The following DYNC1H1 variants were observed in gnomAD, a reference collection of about 807,000 sequenced individuals.
DYNC1H1 encodes dynein cytoplasmic 1 heavy chain 1.
DYNC1H1 carries 51 observed loss-of-function variants against 527.1 expected under a neutral mutation model. That is an observed-to-expected ratio of 0.10 (90% CI 0.08 to 0.12). The LOEUF (loss-of-function observed/expected upper bound fraction) is 0.12, where lower values mean the gene tolerates loss of function less well. Among genes scored for constraint, DYNC1H1 ranks in the 10% least tolerant of loss-of-function variants. The probability of loss-of-function intolerance (pLI) is 1.00; values close to 1 mark genes in which losing one functional copy is unlikely to be tolerated. For missense variants in DYNC1H1, 2,771 were observed against 5,971.8 expected, an observed-to-expected ratio of 0.46 and a Z score of 17.66; for synonymous variants, 2,189 against 2,278.8, an observed-to-expected ratio of 0.96 and a Z score of 1.12.
Position 102,017,742 on chromosome 14 carries a change from G to A in DYNC1H1, c.8177+238G>A, listed in dbSNP as rs549942420. On this transcript the variant is annotated intron_variant, in intron 40 of 77. Transcript: ENST00000360184. The surrounding 1 kb of genome is among the most constrained non-coding windows in gnomAD (Gnocchi z 4.6). Reference sequence around the variant, plus strand: ...AGCACTTTGGGAGGCCGAGGCGGGCGGATCACGAGGTCAGGAGATTGAGAC... The same window carrying A: ...AGCACTTTGGGAGGCCGAGGCGGGCAGATCACGAGGTCAGGAGATTGAGAC... 4.3e-5 allele frequency: 26 copies of A among 603,916 alleles called. No individual in the cohort carries two copies. The highest frequency in any genetic ancestry group is 5.0e-4 in the Middle Eastern group (1 of 2,000). The allele number at this position is 603,916 out of a possible 1,614,324, so 37.4% of individuals were successfully genotyped here.
rs965560235 is a variant in DYNC1H1, at chr14:102,042,876, T to C, written c.12513+128T>C. The C allele has an allele frequency of 8.9e-7, 1 of 1,120,324 alleles. No homozygotes were observed. The highest frequency in any genetic ancestry group is 2.0e-5 in the Admixed American group (1 of 50,388). 69.4% of individuals were successfully genotyped at this position (1,120,324 alleles called of 1,614,324 possible). On this transcript the variant is annotated intron_variant, in intron 69 of 77. Coordinates refer to ENST00000360184, the MANE Select transcript of DYNC1H1 (RefSeq NM_001376.5). This position sits in a 1 kb window ranked among gnomAD's most constrained non-coding sequence, Gnocchi z 5.7. ...GGTGAACTGCACAGCTGCTTTTGCT[T>C]TTCAGCTGTAGGTAAAATTTCCTTC... is the stretch of plus-strand genomic sequence containing the variant.
chr14:101,972,503 C>A (rs952781107), intron 1 of DYNC1H1, among the ~76,000 whole-genome samples: 2 of 152,178 alleles, frequency 1.3e-5, no homozygotes, highest in African/African-American at 4.8e-5. Flanking sequence ...ATTGGGTGTG[C>A]CTTCCTGAGC....
rs1475477801 is a variant in DYNC1H1, at chr14:102,022,762, A to G, written c.8519A>G (p.Asp2840Gly). ...TGCTCTCCCCACAGACTCGTAGAGGATGAGGAGAGGCGTTGGACTGATGAG... is the reference window on the plus strand; with the variant it reads ...TGCTCTCCCCACAGACTCGTAGAGGGTGAGGAGAGGCGTTGGACTGATGAG... ...LRLFQDRLVE[D>G]EERRWTDENI... The change falls in exon 43 of 78, where the codon GAT (aspartate) becomes GGT (glycine). Residue 2840 changes from aspartate to glycine, a missense_variant. Asp to Gly is a moderately conservative substitution (Grantham distance 94). Coordinates refer to ENST00000360184, the MANE Select transcript of DYNC1H1 (RefSeq NM_001376.5). The G allele has an allele frequency of 3.7e-6, 6 of 1,613,978 alleles. No homozygotes were observed. Among genetic ancestry groups the G allele is most frequent in the Non-Finnish European group, 5.1e-6 (6 of 1,180,008 alleles).
chr14:102,047,854 G>T lies in DYNC1H1; in HGVS notation c.13044G>T (p.Met4348Ile). 1 of 1,613,586 alleles carries T rather than the reference G, an allele frequency of 6.2e-7. No individual in the cohort carries two copies. Among genetic ancestry groups the T allele is most frequent in the Middle Eastern group, 1.6e-4 (1 of 6,062 alleles). The change falls in exon 73 of 78, where the codon ATG becomes ATT. Residue 4348 changes from methionine (M) to isoleucine (I), a missense_variant. This residue lies in a region of DYNC1H1 where 170 missense variants were observed against 249.8 expected (regional missense o/e 0.68). Transcript: ENST00000360184. The stretch of plus-strand genomic sequence containing the variant: ...TCAGTAAAATGCTGAAGATGCAGAT[G>T]TTGGAGGATGAGGACGACCTGGCCT... ...DMISKMLKMQ[M>I]LEDEDDLAYA...
chr14:102,051,054 G>T lies in DYNC1H1; in HGVS notation c.*491G>T. The T allele has an allele frequency of 4.5e-6, 1 of 220,466 alleles. No individual in the cohort carries two copies. Among genetic ancestry groups the T allele is most frequent in the Non-Finnish European group, 9.1e-6 (1 of 109,814 alleles). 13.7% of individuals were successfully genotyped at this position (220,466 alleles called of 1,614,324 possible). On this transcript the variant is annotated 3_prime_UTR_variant, in exon 78 of 78. Coordinates refer to ENST00000360184, the MANE Select transcript of DYNC1H1 (RefSeq NM_001376.5). ...TTTAATCGCAGCACTTTGGGAGTCT[G>T]GGAGTTAAAGACCAGCCTCGGCAAC... is the stretch of plus-strand genomic sequence containing the variant.
At chr14:101,980,049 G>A (rs1278816624) in intron 4 of DYNC1H1, 75 bp downstream of exon 4, 5 of 1,603,594 alleles carry the variant, frequency 3.1e-6, no homozygotes, top group Non-Finnish European at 4.3e-6. Flanking sequence ...TCTGGATTTT[G>A]TAAGTGAGGT....
chr14:102,041,842 T>C lies in DYNC1H1; in HGVS notation c.12102+108T>C. ...GCTCTCACTCCGGGCTACAGTCTCCTCCTAAGACCAGGAACTCGCTGCAGA... is the reference window on the plus strand; with the variant it reads ...GCTCTCACTCCGGGCTACAGTCTCCCCCTAAGACCAGGAACTCGCTGCAGA... On this transcript the variant is annotated intron_variant, in intron 65 of 77. Transcript: ENST00000360184. The surrounding 1 kb of genome is among the most constrained non-coding windows in gnomAD (Gnocchi z 4.5). 2 of 1,569,736 alleles carry C rather than the reference T, an allele frequency of 1.3e-6. No homozygotes were observed. The highest frequency in any genetic ancestry group is 1.7e-6 in the Non-Finnish European group (2 of 1,151,074).
At chr14:101,967,916 G>T (rs2047685672) in intron 1 of DYNC1H1, among the ~76,000 whole-genome samples, 1 of 152,160 alleles carries the variant, frequency 6.6e-6, no homozygotes, top group Admixed American at 6.5e-5. Flanking sequence ...TGGAGAGTTT[G>T]TGGGAAAAAG....
intron 42 of DYNC1H1, among the ~76,000 whole-genome samples, chr14:102,021,437 C>T (rs1322048267): frequency 3.9e-5 from 6 of 152,198 alleles, no homozygotes; most frequent in South Asian, 2.1e-4. Flanking sequence ...ATTCAAATGT[C>T]GCAACAGCAG....
rs879254327 is a variant in DYNC1H1 at position 102,047,852 on chromosome 14, A to C, written c.13042A>C (p.Met4348Leu). 3.1e-6 allele frequency: 5 copies of C among 1,613,198 alleles called. No individual in the cohort carries two copies. Among genetic ancestry groups the C allele is most frequent in the Non-Finnish European group, 3.4e-6 (4 of 1,179,970 alleles). ...GATCAGTAAAATGCTGAAGATGCAGATGTTGGAGGATGAGGACGACCTGGC... is the reference window on the plus strand; with the variant it reads ...GATCAGTAAAATGCTGAAGATGCAGCTGTTGGAGGATGAGGACGACCTGGC... ...DMISKMLKMQ[M>L]LEDEDDLAYA... The change falls in exon 73 of 78, where the codon ATG becomes CTG. Residue 4348 changes from methionine to leucine, a missense_variant. This residue lies in a region of DYNC1H1 where 170 missense variants were observed against 249.8 expected (regional missense o/e 0.68). Transcript: ENST00000360184.
chr14:101,964,744 T>C lies in DYNC1H1; in HGVS notation c.53T>C (p.Val18Ala), dbSNP rs1566991030. The C allele has an allele frequency of 2.5e-6, 4 of 1,597,048 alleles. No homozygotes were observed. Among genetic ancestry groups the C allele is most frequent in the Non-Finnish European group, 3.4e-6 (4 of 1,175,516 alleles). Reference protein sequence around the residue: ...GGEDGSAGLEVSAVQNVADVS... With the variant: ...GGEDGSAGLEASAVQNVADVS... ...GAGGACGGCTCGGCCGGATTGGAAG[T>C]GTCGGCCGTGCAGAATGTGGCGGAC... Residue 18 changes from valine (V) to alanine (A), a missense_variant, in exon 1 of 78, where the codon GTG becomes GCG. By Grantham distance (64) the Val-to-Ala change is moderately conservative. Transcript: ENST00000360184. The surrounding 1 kb of genome is among the most constrained non-coding windows in gnomAD (Gnocchi z 5.5).
At position 102,029,200 on chromosome 14, in the gene DYNC1H1, C is replaced by G; in HGVS notation, c.9469-339C>G. The G allele has an allele frequency of 2.8e-6, 1 of 357,770 alleles. No individual in the cohort carries two copies. The highest frequency in any genetic ancestry group is 2.4e-5 in the South Asian group (1 of 42,202). The allele number at this position is 357,770 out of a possible 1,614,324, so 22.2% of individuals were successfully genotyped here. A position where few individuals can be genotyped will look rare whatever the true frequency, so the allele number is the denominator to read the frequency against. On this transcript the variant is annotated intron_variant, in intron 48 of 77. Coordinates refer to ENST00000360184, the MANE Select transcript of DYNC1H1 (RefSeq NM_001376.5). This position sits in a 1 kb window ranked among gnomAD's most constrained non-coding sequence, Gnocchi z 5.3. ...TTCTCACATCAGGCCTGCCTTGCCC[C>G]TTTCTTGTCATTTCTTACTAATAAA... is the stretch of plus-strand genomic sequence containing the variant.
intron 23 of DYNC1H1, among the ~76,000 whole-genome samples, chr14:102,003,970 G>A (rs181922048): frequency 1.1e-3 from 170 of 150,512 alleles, no homozygotes; most frequent in African/African-American, 3.3e-3. Context: ...GGCCCGGCGC[G>A]GTGGCTCACG....
At position 102,053,586 on chromosome 14, in the gene DYNC1H1, C is replaced by G. The variant is rs2048844757; in HGVS notation, c.*3023C>G. 1 of 151,824 alleles carries G rather than the reference C, an allele frequency of 6.6e-6. No individual in the cohort carries two copies. The highest frequency in any genetic ancestry group is 1.5e-5 in the Non-Finnish European group (1 of 68,054). 9.4% of individuals were successfully genotyped at this position (151,824 alleles called of 1,614,324 possible). The stretch of plus-strand genomic sequence containing the variant: ...GCCTCAGCCTCCCAAGTAGCTGGGA[C>G]TACAGGCGCCCACCACCAAGCCCGG... On this transcript the variant is annotated 3_prime_UTR_variant, in exon 78 of 78. Coordinates refer to ENST00000360184, the MANE Select transcript of DYNC1H1 (RefSeq NM_001376.5).
At chr14:102,045,857 C>T (rs1357534651) in intron 72 of DYNC1H1, among the ~76,000 whole-genome samples, 1 of 151,820 alleles carries the variant, frequency 6.6e-6, no homozygotes, top group East Asian at 1.9e-4. Context: ...AGCAGCCTCC[C>T]CAGAACTTCT....
chr14:102,038,339 C>T lies in DYNC1H1; in HGVS notation c.10909-121C>T, dbSNP rs2048601594. On this transcript the variant is annotated intron_variant, in intron 57 of 77. Transcript: ENST00000360184. This position sits in a 1 kb window ranked among gnomAD's most constrained non-coding sequence, Gnocchi z 7.2. ...CCACACATAGCTAGTGGCCACCACACGCAAGTGGCGGGTGGCTTTTGGGAA... is the reference window on the plus strand; with the variant it reads ...CCACACATAGCTAGTGGCCACCACATGCAAGTGGCGGGTGGCTTTTGGGAA... 11 of 1,514,502 alleles carry T rather than the reference C, an allele frequency of 7.3e-6. No homozygotes were observed. The highest frequency in any genetic ancestry group is 2.3e-4 in the Middle Eastern group (1 of 4,312). 93.8% of individuals were successfully genotyped at this position (1,514,502 alleles called of 1,614,324 possible).
rs751340855 is a variant in DYNC1H1 at position 102,039,766 on chromosome 14, A to G, written c.11690+34A>G. 1 of 1,609,110 alleles carries G rather than the reference A, an allele frequency of 6.2e-7. No individual in the cohort carries two copies. The highest frequency in any genetic ancestry group is 8.5e-7 in the Non-Finnish European group (1 of 1,175,678). ...ACTCACGCCCACAGGAGGATGCCAT[A>G]TTGCTGGTGGCCCCCAAGGGTTTCA... On this transcript the variant is annotated intron_variant, in intron 62 of 77. Coordinates refer to ENST00000360184, the MANE Select transcript of DYNC1H1 (RefSeq NM_001376.5). The surrounding 1 kb of genome is among the most constrained non-coding windows in gnomAD (Gnocchi z 7.0).
intron 51 of DYNC1H1, among the ~76,000 whole-genome samples, chr14:102,031,143 A>AGT (rs1354296309): frequency 6.6e-6 from 1 of 152,224 alleles, no homozygotes. Context: ...AATTTAATGT[A>AGT]GTTCTCACCT....
intron 77 of DYNC1H1, 61 bp from the exon 78 acceptor site, chr14:102,050,374 G>C: frequency 6.2e-7 from 1 of 1,613,832 alleles, no homozygotes; most frequent in South Asian, 1.1e-5. Context: ...GCTGTCCCGG[G>C]CAGTCTTCCA....
Sources: gnomAD v4.1 joint callset for allele counts (sites outside exome capture counted in the v4.1 genomes callset) on GRCh38, gnomAD v4.1.1 for gene constraint, gnomAD v4.1.1 regional missense constraint, Gnocchi (gnomAD v3.1) non-coding constraint, MANE v1.5 for transcripts, NCBI Gene and HGNC (gene_info 2026-07-23, HGNC 2026-07-21) for gene names.